CCDC85C: variants seen among roughly 807,000 people sequenced by gnomAD.
The protein encoded by CCDC85C is coiled-coil domain-containing protein 85C.
CCDC85C carries 18 observed loss-of-function variants against 38.3 expected under a neutral mutation model. The observed-to-expected ratio is 0.47, with a 90% CI of 0.33 to 0.70. The LOEUF (loss-of-function observed/expected upper bound fraction) is 0.70, where lower values mean the gene tolerates loss of function less well. Ranked by LOEUF, CCDC85C falls within the 30% of genes least tolerant of loss-of-function variation. CCDC85C has a pLI of 0.03. For synonymous variants in CCDC85C, 264 were observed against 293.8 expected, an observed-to-expected ratio of 0.90 and a Z score of 1.04; for missense variants, 566 against 621.2, an observed-to-expected ratio of 0.91 and a Z score of 0.94.
chr14:99,599,917 C>A (rs1270524499), intron 1 of CCDC85C, among the ~76,000 whole-genome samples: 1 of 152,144 alleles, frequency 6.6e-6, no homozygotes, highest in Non-Finnish European at 1.5e-5. Flanking sequence ...AGGAGAAAAG[C>A]CTATTTGCAT....
At chr14:99,577,178 A>G (rs1481463712) in intron 1 of CCDC85C, among the ~76,000 whole-genome samples, 2 of 151,738 alleles carry the variant, frequency 1.3e-5, no homozygotes, top group African/African-American at 4.8e-5. Flanking sequence ...CCCCCTTCCC[A>G]GGCAGCCCTG....
chr14:99,554,891 AAG>A (rs1351107766), intron 1 of CCDC85C, among the ~76,000 whole-genome samples: 1 of 152,180 alleles, frequency 6.6e-6, no homozygotes, highest in African/African-American at 2.4e-5. Flanking sequence ...CTCTCTGTAC[AAG>A]GGAGTTGAGA....
At chr14:99,599,809 A>T (rs1468932726) in intron 1 of CCDC85C, among the ~76,000 whole-genome samples, 1 of 152,200 alleles carries the variant, frequency 6.6e-6, no homozygotes, top group East Asian at 1.9e-4. Context: ...CAGGAGGTTG[A>T]GGTTGCCGCG....
intron 2 of CCDC85C, among the ~76,000 whole-genome samples, chr14:99,530,332 T>C (rs1038356075): frequency 1.3e-5 from 2 of 152,114 alleles, no homozygotes; most frequent in Admixed American, 1.3e-4. Flanking sequence ...ACCCAAAGAC[T>C]ACACTGCCTA....
intron 1 of CCDC85C, among the ~76,000 whole-genome samples, chr14:99,595,866 C>T (rs1249925514): frequency 6.6e-5 from 10 of 152,204 alleles, no homozygotes; most frequent in Admixed American, 3.9e-4. Context: ...TTGTGGGAGG[C>T]GAGTGAGAGA....
intron 1 of CCDC85C, among the ~76,000 whole-genome samples, chr14:99,566,965 A>T (rs1031513875): frequency 2.0e-5 from 3 of 152,080 alleles, no homozygotes; most frequent in African/African-American, 7.2e-5. Flanking sequence ...CATCCAGTAC[A>T]CCCAGAAAAC....
chr14:99,603,432 G>A lies in CCDC85C; in HGVS notation c.528C>T (p.Ser176=), dbSNP rs2055230516. Residue 176 remains serine (S), a synonymous_variant, in exon 1 of 6, where the codon TCC becomes TCT. Transcript: ENST00000380243. This position sits in a 1 kb window ranked among gnomAD's most constrained non-coding sequence, Gnocchi z 7.5. ...GGGGGGGGAG[S]RSSIDSQASL... ...TGGCCTGGCTGTCGATGGAGCTGCG[G>A]GAGCCGGCGCCGCCCCCGCCGCCGC... 2.4e-6 allele frequency: 3 copies of A among 1,269,416 alleles called. No homozygotes were observed. The highest frequency in any genetic ancestry group is 3.0e-6 in the Non-Finnish European group (3 of 1,011,284). 78.6% of individuals were successfully genotyped at this position (1,269,416 alleles called of 1,614,324 possible).
chr14:99,577,854 AGTGT>A (rs373568172), intron 1 of CCDC85C, among the ~76,000 whole-genome samples: 2 of 117,288 alleles, frequency 1.7e-5, no homozygotes, highest in Admixed American at 9.5e-5. Flanking sequence ...ATCCCCCATC[AGTGT>A]GTGTGTGTGT....
chr14:99,540,837 G>T (rs80328521), intron 1 of CCDC85C, among the ~76,000 whole-genome samples: 3 of 152,150 alleles, frequency 2.0e-5, no homozygotes, highest in Non-Finnish European at 2.9e-5. Flanking sequence ...GCAGCATGGT[G>T]GGGGGAGTCA....
chr14:99,513,152 G>C lies in CCDC85C; in HGVS notation c.*2094C>G, dbSNP rs1442853977. 2.0e-5 allele frequency: 3 copies of C among 152,224 alleles called. No individual in the cohort carries two copies. Among genetic ancestry groups the C allele is most frequent in the Non-Finnish European group, 4.4e-5 (3 of 68,040 alleles). 9.4% of individuals were successfully genotyped at this position (152,224 alleles called of 1,614,324 possible). On this transcript the variant is annotated 3_prime_UTR_variant, in exon 6 of 6. Coordinates refer to ENST00000380243, the MANE Select transcript of CCDC85C (RefSeq NM_001144995.2). ...TCAAGGCTGTTCTCTGGGCCTGTTTGCAGGAGATCCGCAGGTACCAGGAGC... is the reference window on the plus strand; with the variant it reads ...TCAAGGCTGTTCTCTGGGCCTGTTTCCAGGAGATCCGCAGGTACCAGGAGC...
Position 99,520,381 on chromosome 14 carries a change from G to A in CCDC85C, c.975+1752C>T, listed in dbSNP as rs1039386027. Among the ~76,000 whole-genome samples the A allele has an allele frequency of 3.9e-5, 6 of 152,064 alleles. No individual in the cohort carries two copies. In the South Asian group the frequency reaches 6.2e-4, roughly 16 times the overall value. On this transcript the variant is annotated intron_variant, in intron 3 of 5. Coordinates refer to ENST00000380243, the MANE Select transcript of CCDC85C (RefSeq NM_001144995.2). The surrounding 1 kb of genome is among the most constrained non-coding windows in gnomAD (Gnocchi z 4.1). ...TCCAGGCTTCATCGGCCCCTCCCACGAGATACCTTGACCCCTCAACCCCCA... is the reference window on the plus strand; with the variant it reads ...TCCAGGCTTCATCGGCCCCTCCCACAAGATACCTTGACCCCTCAACCCCCA...
At chr14:99,549,491 C>T (rs1897867717) in intron 1 of CCDC85C, among the ~76,000 whole-genome samples, 1 of 152,228 alleles carries the variant, frequency 6.6e-6, no homozygotes, top group African/African-American at 2.4e-5. Context: ...GAGGCCAGAG[C>T]AGGCCCCCTC....
At chr14:99,589,203 C>T (rs1033822152) in intron 1 of CCDC85C, among the ~76,000 whole-genome samples, 1 of 151,922 alleles carries the variant, frequency 6.6e-6, no homozygotes, top group African/African-American at 2.4e-5. Flanking sequence ...CACACAGCCA[C>T]GGCCGGGATC....
chr14:99,572,418 C>A lies in CCDC85C; in HGVS notation c.793+30749G>T, dbSNP rs1459197083. On this transcript the variant is annotated intron_variant, in intron 1 of 5. Coordinates refer to ENST00000380243, the MANE Select transcript of CCDC85C (RefSeq NM_001144995.2). This position sits in a 1 kb window ranked among gnomAD's most constrained non-coding sequence, Gnocchi z 4.4. ...AGCCTGCAATCCCGGCTCCCACCCC[C>A]ACCCCAAGGCCCTGCTCCACAGGGA... Among the ~76,000 whole-genome samples the A allele has an allele frequency of 2.6e-5, 4 of 152,200 alleles. No individual in the cohort carries two copies. The highest frequency in any genetic ancestry group is 9.7e-5 in the African/African-American group (4 of 41,438).
intron 1 of CCDC85C, among the ~76,000 whole-genome samples, chr14:99,597,804 G>A (rs531206242): frequency 3.3e-5 from 5 of 151,978 alleles, no homozygotes; most frequent in Non-Finnish European, 4.4e-5. Context: ...AGCTGCCTCC[G>A]ACCCTACACT....
At chr14:99,515,424 A>G (rs1221539360) in intron 5 of CCDC85C, 89 bp from the exon 6 acceptor site, 2 of 935,756 alleles carry the variant, frequency 2.1e-6, no homozygotes, top group East Asian at 2.7e-5. Flanking sequence ...CGGCAGAATC[A>G]CCCACGTCCT....
chr14:99,587,077 AG>A (rs1393650634), intron 1 of CCDC85C, among the ~76,000 whole-genome samples: 1 of 152,164 alleles, frequency 6.6e-6, no homozygotes. Context: ...CACCATCCTG[AG>A]GTTCTGGACA....
chr14:99,564,635 C>T (rs1033526510), intron 1 of CCDC85C, among the ~76,000 whole-genome samples: 1 of 152,214 alleles, frequency 6.6e-6, no homozygotes, highest in African/African-American at 2.4e-5. Flanking sequence ...TGTGCATCCC[C>T]GAGGGCCTGT....
In CCDC85C at chr14:99,510,664, C is replaced by A; in HGVS notation, c.*4582G>T. On this transcript the variant is annotated 3_prime_UTR_variant, in exon 6 of 6. Transcript: ENST00000380243. Reference sequence around the variant, plus strand: ...CCTCCTCCAGGGTTGGGCCTGCCGCCAGCCAGCTACCCACCTCCTGCCGTC... The same window carrying A: ...CCTCCTCCAGGGTTGGGCCTGCCGCAAGCCAGCTACCCACCTCCTGCCGTC... 1 of 1,418,046 alleles carries A rather than the reference C, an allele frequency of 7.1e-7. No homozygotes were observed. Among genetic ancestry groups the A allele is most frequent in the Non-Finnish European group, 9.2e-7 (1 of 1,086,832 alleles). 87.8% of individuals were successfully genotyped at this position (1,418,046 alleles called of 1,614,324 possible).
Sources: allele counts gnomAD v4.1 joint callset (sites outside exome capture counted in the v4.1 genomes callset), GRCh38; gene constraint gnomAD v4.1.1; non-coding constraint Gnocchi (gnomAD v3.1); transcripts MANE v1.5; gene names NCBI Gene and HGNC (gene_info 2026-07-23, HGNC 2026-07-21).